ZNF609: variants seen among roughly 807,000 people sequenced by gnomAD.
ZNF609 encodes zinc finger protein 609.
ZNF609 carries 11 observed loss-of-function variants against 109.5 expected under a neutral mutation model. The ratio of observed to expected loss-of-function variants is 0.10; its 90% confidence interval spans 0.06 to 0.17. ZNF609 has a LOEUF of 0.17. Ranked by LOEUF, ZNF609 falls within the 10% of genes least tolerant of loss-of-function variation. The pLI, the probability that ZNF609 is intolerant of heterozygous loss-of-function variation, is 1.00. For synonymous variants in ZNF609, 646 were observed against 662.0 expected (o/e 0.98, Z 0.37); for missense variants, 1,559 against 1,772.4 (o/e 0.88, Z 2.16).
At chr15:64,680,544 C>G in intron 7 of ZNF609, 102 bp from the exon 8 acceptor site, 1 of 1,288,016 alleles carries the variant, frequency 7.8e-7, no homozygotes, top group Non-Finnish European at 1.1e-6. Context: ...CATAAGGTGG[C>G]ACCCTGGGCA....
At chr15:64,612,983 C>A (rs1262024240) in intron 2 of ZNF609, among the ~76,000 whole-genome samples, 1 of 151,816 alleles carries the variant, frequency 6.6e-6, no homozygotes, top group Non-Finnish European at 1.5e-5. Context: ...CCACTGCACT[C>A]CAGCCTGGGC....
At chr15:64,597,501 A>G (rs979217781) in intron 2 of ZNF609, among the ~76,000 whole-genome samples, 5 of 152,194 alleles carry the variant, frequency 3.3e-5, no homozygotes, top group Non-Finnish European at 5.9e-5. Flanking sequence ...ACAGTTCCCA[A>G]TGACACTGGA....
chr15:64,659,113 G>T lies in ZNF609; in HGVS notation c.974-11233G>T, dbSNP rs561510001. On this transcript the variant is annotated intron_variant, in intron 3 of 9. Coordinates refer to ENST00000326648, the MANE Select transcript of ZNF609 (RefSeq NM_015042.2). ...CTTAAAGATCTATGTTTCATTTGTA[G>T]CCATTTCTGGGAATTCTTGGCACCT... Among the ~76,000 whole-genome samples the T allele has an allele frequency of 1.1e-4, 16 of 152,190 alleles. No homozygotes were observed. The South Asian group carries it at 3.3e-3, about 32-fold the overall frequency.
intron 1 of ZNF609, among the ~76,000 whole-genome samples, chr15:64,496,878 A>G (rs1893489412): frequency 6.6e-6 from 1 of 152,054 alleles, no homozygotes; most frequent in African/African-American, 2.4e-5. Flanking sequence ...AAGTGGCACA[A>G]TCTCAGGTCA....
intron 6 of ZNF609, among the ~76,000 whole-genome samples, chr15:64,679,071 T>TTTTG (rs1318263595): frequency 1.3e-5 from 2 of 152,174 alleles, no homozygotes; most frequent in African/African-American, 4.8e-5. Flanking sequence ...TTTAAATGTT[T>TTTTG]TTTGTTTGTT....
intron 2 of ZNF609, among the ~76,000 whole-genome samples, chr15:64,504,746 G>T (rs1440250332): frequency 1.3e-5 from 2 of 151,860 alleles, no homozygotes; most frequent in African/African-American, 4.8e-5. Flanking sequence ...CTCCCAGAGT[G>T]CTGAGATTAC....
At chr15:64,548,953 G>A (rs1212370171) in intron 2 of ZNF609, among the ~76,000 whole-genome samples, 2 of 152,150 alleles carry the variant, frequency 1.3e-5, no homozygotes, top group Non-Finnish European at 2.9e-5. Context: ...CTGGTGCAAA[G>A]ATGGGTATAT....
intron 1 of ZNF609, among the ~76,000 whole-genome samples, chr15:64,487,789 C>T (rs188990537): frequency 1.4e-4 from 21 of 152,186 alleles, no homozygotes; most frequent in Admixed American, 1.0e-3. Flanking sequence ...AGCGCCACCA[C>T]GCCCAGCTAA....
At chr15:64,601,061 T>G (rs1567025654) in intron 2 of ZNF609, among the ~76,000 whole-genome samples, 1 of 152,200 alleles carries the variant, frequency 6.6e-6, no homozygotes, top group Non-Finnish European at 1.5e-5. Context: ...TGCCTCTTCC[T>G]TACCCAACAG....
intron 2 of ZNF609, among the ~76,000 whole-genome samples, chr15:64,595,249 T>A (rs558349923): frequency 2.1e-4 from 31 of 151,168 alleles, no homozygotes; most frequent in Non-Finnish European, 3.5e-4. Flanking sequence ...AAATGCCAGC[T>A]ACTTGGGAGG....
In ZNF609 at chr15:64,683,616, C is replaced by A. The variant is rs2083224206; in HGVS notation, c.*1930C>A. 6.6e-6 allele frequency: 1 copy of A among 152,184 alleles called. No individual in the cohort carries two copies. The highest frequency in any genetic ancestry group is 2.4e-5 in the African/African-American group (1 of 41,448). The allele number at this position is 152,184 out of a possible 1,614,324, so 9.4% of individuals were successfully genotyped here. A position where few individuals can be genotyped will look rare whatever the true frequency, so the allele number is the denominator to read the frequency against. On this transcript the variant is annotated 3_prime_UTR_variant, in exon 10 of 10. Transcript: ENST00000326648. ...GTGCTCTGAGCAGTGACCTCCCTTT[C>A]CTCCGTGGAAGTAGCTAGTGCAGAC...
chr15:64,622,880 A>G lies in ZNF609; in HGVS notation c.801A>G (p.Pro267=). Residue 267 remains proline, a synonymous_variant, in exon 3 of 10, where the codon CCA becomes CCG. Transcript: ENST00000326648. ...PAVLPIHLLV[P]VVNNDISSPC... Reference sequence around the variant, plus strand: ...TGCTGCCAATACACCTTTTGGTGCCAGTGGTCAACAATGACATCTCATCTC... The same window carrying G: ...TGCTGCCAATACACCTTTTGGTGCCGGTGGTCAACAATGACATCTCATCTC... The G allele has an allele frequency of 6.8e-6, 11 of 1,614,248 alleles. No individual in the cohort carries two copies. Among genetic ancestry groups the G allele is most frequent in the Non-Finnish European group, 9.3e-6 (11 of 1,180,034 alleles).
At chr15:64,537,639 G>A (rs1479743139) in intron 2 of ZNF609, among the ~76,000 whole-genome samples, 1 of 152,138 alleles carries the variant, frequency 6.6e-6, no homozygotes, top group African/African-American at 2.4e-5. Flanking sequence ...TATAAATAAA[G>A]GGGAAATTAA....
At chr15:64,533,515 G>A (rs1456982809) in intron 2 of ZNF609, among the ~76,000 whole-genome samples, 1 of 152,120 alleles carries the variant, frequency 6.6e-6, no homozygotes, top group Non-Finnish European at 1.5e-5. Context: ...TCAATATAGC[G>A]TTCTTAGGTT....
Position 64,676,056 on chromosome 15 carries a change from A to G in ZNF609, c.3202A>G (p.Lys1068Glu). Residue 1068 changes from lysine to glutamate, a missense_variant, in exon 5 of 10, where the codon AAG becomes GAG. Transcript: ENST00000326648. ...DLVKSGPGKA[K>E]EPGADPAKSV... ...GGTGAAATCAGGACCTGGCAAGGCC[A>G]AGGAGCCAGGGGCTGACCCAGCCAA... The G allele has an allele frequency of 1.2e-6, 2 of 1,614,250 alleles. No homozygotes were observed. Among genetic ancestry groups the G allele is most frequent in the African/African-American group, 2.7e-5 (2 of 75,072 alleles).
At chr15:64,571,733 G>C (rs1358033423) in intron 2 of ZNF609, among the ~76,000 whole-genome samples, 1 of 152,150 alleles carries the variant, frequency 6.6e-6, no homozygotes, top group Non-Finnish European at 1.5e-5. Flanking sequence ...GCAGTGGTGA[G>C]ATCTTCACTC....
In ZNF609 at chr15:64,680,754, G is replaced by A. The variant is rs765084594; in HGVS notation, c.4054G>A (p.Asp1352Asn). 3 of 1,613,562 alleles carry A rather than the reference G, an allele frequency of 1.9e-6. No individual in the cohort carries two copies. The South Asian group carries it at 3.3e-5, about 18-fold the overall frequency. ...GGASGGERSVDRPRTSPSQRL... is the reference protein window; with the variant it reads ...GGASGGERSVNRPRTSPSQRL... ...AGCAAGTGGGGGTGAACGGAGTGTT[G>A]ACCGGCCCCGCACCTCTCCTTCCCA... Residue 1352 changes from aspartate (D) to asparagine (N), a missense_variant, in exon 8 of 10, where the codon GAC becomes AAC. Around this residue, in one of 4 missense-constraint regions of ZNF609, gnomAD observed 1,204 missense variants for 1,314.1 expected, o/e 0.92. Coordinates refer to ENST00000326648, the MANE Select transcript of ZNF609 (RefSeq NM_015042.2).
At position 64,581,429 on chromosome 15, in the gene ZNF609, T is replaced by G. The variant is rs542727486; in HGVS notation, c.748-41398T>G. Among the ~76,000 whole-genome samples, 10 of 152,224 alleles carry G rather than the reference T, an allele frequency of 6.6e-5. No homozygotes were observed. In the South Asian group the frequency reaches 1.9e-3, roughly 28 times the overall value. On this transcript the variant is annotated intron_variant, in intron 2 of 9. Coordinates refer to ENST00000326648, the MANE Select transcript of ZNF609 (RefSeq NM_015042.2). ...CCTTCCCCAGCTTTTCCTTTTAAGT[T>G]TTTTTGGTCAGGCAGCCACAAAGTT...
chr15:64,520,813 G>T (rs530136574), intron 2 of ZNF609, among the ~76,000 whole-genome samples: 32 of 152,130 alleles, frequency 2.1e-4, no homozygotes, highest in Middle Eastern at 3.4e-3. Context: ...TCTATTACAA[G>T]ATTTCAGAAA....
Sources: gnomAD v4.1 joint callset for allele counts (sites outside exome capture counted in the v4.1 genomes callset) on GRCh38, gnomAD v4.1.1 for gene constraint, gnomAD v4.1.1 regional missense constraint, MANE v1.5 for transcripts, NCBI Gene and HGNC (gene_info 2026-07-23, HGNC 2026-07-21) for gene names.